The following RPS6KA2 variants were observed in gnomAD, a reference collection of about 807,000 sequenced individuals.
RPS6KA2 encodes the protein ribosomal protein S6 kinase A2.
A neutral mutation model predicts 91.8 loss-of-function variants in RPS6KA2; 42 were observed. The observed-to-expected ratio is 0.46, with a 90% CI of 0.36 to 0.59. RPS6KA2 has a LOEUF of 0.59. RPS6KA2 is among the 20% of genes least tolerant of loss of function. The pLI, the probability that RPS6KA2 is intolerant of heterozygous loss-of-function variation, is 0.00. For synonymous variants in RPS6KA2, 414 were observed against 393.6 expected (o/e 1.05, Z -0.61); for missense variants, 798 against 978.5 (o/e 0.82, Z 2.46).
At chr6:166,818,598 C>A (rs1156451785) in intron 2 of RPS6KA2, among the ~76,000 whole-genome samples, 3 of 152,150 alleles carry the variant, frequency 2.0e-5, no homozygotes, top group Non-Finnish European at 4.4e-5. Flanking sequence ...GCACAGTCAC[C>A]CCTTCCCCAG....
At chr6:166,583,230 G>T (rs1213003975) in intron 1 of RPS6KA2, among the ~76,000 whole-genome samples, 1 of 152,172 alleles carries the variant, frequency 6.6e-6, no homozygotes, top group African/African-American at 2.4e-5. Flanking sequence ...TGCTTGTTTA[G>T]AAAGCACACT....
chr6:166,835,648 A>G lies in RPS6KA2; in HGVS notation c.123+22552T>C, dbSNP rs1780299020. ...TGAGTCTTAATAGCTGCTTTTGCAG[A>G]TAATTTGGAATCTTCTAGGTAAATA... On this transcript the variant is annotated intron_variant, in intron 2 of 21. Transcript: ENST00000503859. Among the ~76,000 whole-genome samples, 3 of 152,360 alleles carry G rather than the reference A, an allele frequency of 2.0e-5. No individual in the cohort carries two copies. In the South Asian group the frequency reaches 6.2e-4, roughly 32 times the overall value.
intron 9 of RPS6KA2, among the ~76,000 whole-genome samples, chr6:166,489,552 C>T (rs1230364201): frequency 4.6e-5 from 7 of 152,228 alleles, no homozygotes; most frequent in Admixed American, 4.6e-4. Context: ...CCTGAGGCCA[C>T]ACCCGTGACT....
At chr6:166,817,037 A>C (rs1182665469) in intron 2 of RPS6KA2, among the ~76,000 whole-genome samples, 1 of 152,228 alleles carries the variant, frequency 6.6e-6, no homozygotes, top group Non-Finnish European at 1.5e-5. Context: ...GATTCAAATA[A>C]GGCAGATTTT....
chr6:166,824,719 GTGTATGTCTGTGTCTGTGTGTATGTC>G (rs1779994887), intron 2 of RPS6KA2, among the ~76,000 whole-genome samples: 1 of 105,462 alleles, frequency 9.5e-6, no homozygotes, highest in Non-Finnish European at 2.0e-5. Flanking sequence ...GTGTGTCTGT[GTGTATGTCTGTGTCTGTGTGTATGTC>G]TGTATGTCTG....
At chr6:166,846,043 T>C (rs1489406670) in intron 2 of RPS6KA2, among the ~76,000 whole-genome samples, 1 of 151,880 alleles carries the variant, frequency 6.6e-6, no homozygotes, top group Non-Finnish European at 1.5e-5. Flanking sequence ...CTGGATACCA[T>C]AGAAATGCAA....
intron 1 of RPS6KA2, among the ~76,000 whole-genome samples, chr6:166,613,366 G>GT (rs955885662): frequency 2.6e-5 from 4 of 152,216 alleles, no homozygotes; most frequent in African/African-American, 9.6e-5. Context: ...GAAACATGGA[G>GT]TTTTTTCAAA....
intron 2 of RPS6KA2, among the ~76,000 whole-genome samples, chr6:166,696,496 A>G (rs999408996): frequency 6.6e-6 from 1 of 152,078 alleles, no homozygotes; most frequent in South Asian, 2.1e-4. Flanking sequence ...AGCTCAAATC[A>G]TTGCCCCTGA....
chr6:166,831,293 G>A (rs1780176522), intron 2 of RPS6KA2, among the ~76,000 whole-genome samples: 1 of 152,084 alleles, frequency 6.6e-6, no homozygotes, highest in South Asian at 2.1e-4. Flanking sequence ...GCCTCACCAG[G>A]GATCCCTTCT....
chr6:166,695,622 C>G (rs1454710206), intron 2 of RPS6KA2, among the ~76,000 whole-genome samples: 1 of 152,226 alleles, frequency 6.6e-6, no homozygotes, highest in Admixed American at 6.5e-5. Context: ...AGTGTTACCT[C>G]TCTAGCCTGA....
intron 2 of RPS6KA2, among the ~76,000 whole-genome samples, chr6:166,653,481 T>C (rs1787921994): frequency 6.6e-6 from 1 of 152,200 alleles, no homozygotes; most frequent in Non-Finnish European, 1.5e-5. Flanking sequence ...GGAATCGACA[T>C]GGCAATCAGC....
chr6:166,663,532 G>A (rs997621917), intron 2 of RPS6KA2, among the ~76,000 whole-genome samples: 2 of 152,198 alleles, frequency 1.3e-5, no homozygotes, highest in Non-Finnish European at 2.9e-5. Context: ...AATATAAACA[G>A]GGTTATTCCC....
At chr6:166,504,815 G>A (rs1229971907) in intron 5 of RPS6KA2, among the ~76,000 whole-genome samples, 3 of 152,146 alleles carry the variant, frequency 2.0e-5, no homozygotes, top group Non-Finnish European at 4.4e-5. Context: ...TCAGTGGATG[G>A]AGACGAGGGC....
rs184621765 is a variant in RPS6KA2 at position 166,468,898 on chromosome 6, A to G, written c.972+943T>C. ...AGAAGACAGAGAGGAAAGCGAAAGC[A>G]GATAATAAACTCTATACTGTAGAGG... On this transcript the variant is annotated intron_variant, in intron 11 of 20. Transcript: ENST00000265678. Among the ~76,000 whole-genome samples, 35 of 152,038 alleles carry G rather than the reference A, an allele frequency of 2.3e-4. No individual in the cohort carries two copies. In the East Asian group the frequency reaches 6.4e-3, roughly 28 times the overall value.
chr6:166,710,990 C>A (rs1789829189), intron 2 of RPS6KA2, among the ~76,000 whole-genome samples: 1 of 152,112 alleles, frequency 6.6e-6, no homozygotes, highest in Admixed American at 6.5e-5. Flanking sequence ...TTGGCCCCAC[C>A]TTCACCCATG....
In RPS6KA2 at chr6:166,639,729, G is replaced by A. The variant is rs1787369937; in HGVS notation, c.124-100945C>T. On this transcript the variant is annotated intron_variant, in intron 2 of 21. Transcript: ENST00000503859. The surrounding 1 kb of genome is among the most constrained non-coding windows in gnomAD (Gnocchi z 4.2). ...TGTCCTTCCTGCCCGCTCTGCCTCT[G>A]CCCACTGGCCACATCTCCTTCCAGC... 6.6e-6 allele frequency among the ~76,000 whole-genome samples: 1 copy of A among 152,024 alleles called. No homozygotes were observed. The highest frequency in any genetic ancestry group is 1.5e-5 in the Non-Finnish European group (1 of 68,008).
Position 166,816,391 on chromosome 6 carries a change from CA to C in RPS6KA2, c.123+41808del, listed in dbSNP as rs61347721. The stretch of plus-strand genomic sequence containing the variant: ...TGAAACCCCGTCTCTACTAAAAATA[CA>C]AAAAAAAAAAAAAATAGCTGGGTGT... On this transcript the variant is annotated intron_variant, in intron 2 of 21. Transcript: ENST00000503859. 2.8e-3 allele frequency among the ~76,000 whole-genome samples: 342 copies of C among 120,060 alleles called. 6 individuals are homozygous for C. The highest frequency in any genetic ancestry group is 8.9e-3 in the African/African-American group (276 of 31,046). The allele number at this position is 120,060 out of a possible 152,430, so 78.8% of individuals were successfully genotyped here. A position where few individuals can be genotyped will look rare whatever the true frequency, so the allele number is the denominator to read the frequency against.
chr6:166,795,684 G>A (rs1258234093), intron 2 of RPS6KA2, among the ~76,000 whole-genome samples: 1 of 152,194 alleles, frequency 6.6e-6, no homozygotes, highest in Non-Finnish European at 1.5e-5. Context: ...CTCCCTGAAG[G>A]GTCCCAGTGA....
intron 2 of RPS6KA2, among the ~76,000 whole-genome samples, chr6:166,756,159 A>G (rs901792554): frequency 2.6e-5 from 4 of 152,062 alleles, no homozygotes; most frequent in Admixed American, 1.3e-4. Flanking sequence ...GCGTGGTGGC[A>G]GGAGCCTGTA....
Sources: gnomAD v4.1 joint callset for allele counts (sites outside exome capture counted in the v4.1 genomes callset) on GRCh38, gnomAD v4.1.1 for gene constraint, Gnocchi (gnomAD v3.1) non-coding constraint, MANE v1.5 for transcripts, NCBI Gene and HGNC (gene_info 2026-07-23, HGNC 2026-07-21) for gene names.